Variants in BCAR1 observed in about 807,000 individuals in gnomAD.
BCAR1 encodes the protein breast cancer anti-estrogen resistance protein 1.
Under a neutral mutation model 67.6 loss-of-function variants are expected in BCAR1, and 30 were observed. The ratio of observed to expected loss-of-function variants is 0.44; its 90% CI spans 0.33 to 0.60. The LOEUF is 0.60. Among genes scored for constraint, BCAR1 ranks in the 20% least tolerant of loss-of-function variants. BCAR1 has a pLI of 0.02. For synonymous variants in BCAR1, 626 were observed against 556.7 expected, an observed-to-expected ratio of 1.12 and a Z score of -1.75; for missense variants, 1,313 against 1,222.3, an observed-to-expected ratio of 1.07 and a Z score of -1.11.
At chr16:75,246,747 C>T (rs2077534202) in intron 1 of BCAR1, 1 of 152,364 alleles carries the variant, frequency 6.6e-6, no homozygotes, top group African/African-American at 2.4e-5. Context: ...TCGCAGGCCC[C>T]CCAGCAGCCT....
Position 75,235,651 on chromosome 16 carries a change from A to C in BCAR1, c.1248T>G (p.Ala416=). The C allele has an allele frequency of 6.2e-7, 1 of 1,609,432 alleles. No homozygotes were observed. The highest frequency in any genetic ancestry group is 8.5e-7 in the Non-Finnish European group (1 of 1,177,326). ...TGCCCTCTGCCGGGGCTTCACGTTC[A>C]GCTGGGGGAGGCACCGCATACACAC... The part of the protein sequence containing the change: ...DSGVYAVPPP[A]EREAPAEGKR... The change falls in exon 5 of 7, where the codon GCT becomes GCG. Residue 416 remains alanine (A), a synonymous_variant. Transcript: ENST00000162330.
rs955673565 is a variant in BCAR1, at chr16:75,229,251, G to T, written c.*260C>A. On this transcript the variant is annotated 3_prime_UTR_variant, in exon 7 of 7. Coordinates refer to ENST00000162330, the MANE Select transcript of BCAR1 (RefSeq NM_014567.5). ...TGCAGGACCCTCACACTCCAGCCCC[G>T]TCTGGTGACCCAACCCGGGCCCGTG... is the stretch of plus-strand genomic sequence containing the variant. The T allele has an allele frequency of 1.6e-5, 8 of 491,116 alleles. No individual in the cohort carries two copies. The East Asian group carries it at 2.5e-4, about 15-fold the overall frequency. The allele number at this position is 491,116 out of a possible 1,614,324, so 30.4% of individuals were successfully genotyped here. A position where few individuals can be genotyped will look rare whatever the true frequency, so the allele number is the denominator to read the frequency against.
upstream of BCAR1, among the ~76,000 whole-genome samples, chr16:75,255,915 CG>C (rs2077764609): frequency 6.6e-6 from 1 of 151,854 alleles, no homozygotes; most frequent in African/African-American, 2.4e-5. Flanking sequence ...CACTTGAACC[CG>C]GGAGGCGGAG....
At chr16:75,260,650 AC>A (rs1339946285) in intron 1 of BCAR1, among the ~76,000 whole-genome samples, 3 of 145,600 alleles carry the variant, frequency 2.1e-5, no homozygotes, top group South Asian at 2.2e-4. Flanking sequence ...AAAAAAAAAA[AC>A]CTCATCCAAC....
chr16:75,234,096 G>GACAC (rs112392504), intron 5 of BCAR1, among the ~76,000 whole-genome samples, 161 bp from the exon 6 acceptor site: 49 of 148,500 alleles, frequency 3.3e-4, no homozygotes, highest in African/African-American at 9.9e-4. Flanking sequence ...AGCACACGTG[G>GACAC]ACACACACAC....
intron 5 of BCAR1, 61 bp downstream of exon 5, chr16:75,234,828 C>A (rs1597175440): frequency 2.0e-6 from 3 of 1,509,082 alleles, no homozygotes; most frequent in Non-Finnish European, 2.7e-6. Flanking sequence ...ACAAATCTCC[C>A]CCTAAGCACA....
intron 1 of BCAR1, chr16:75,266,825 G>A: frequency 7.6e-7 from 1 of 1,321,046 alleles, no homozygotes. Context: ...CCGGAGGTCA[G>A]CGCTGCCCAC....
chr16:75,265,415 C>G (rs2077985809), intron 1 of BCAR1, among the ~76,000 whole-genome samples: 1 of 152,150 alleles, frequency 6.6e-6, no homozygotes. Flanking sequence ...GCCCAGCAGT[C>G]CCGGAGGGGA....
chr16:75,260,878 T>G (rs1390622999), intron 1 of BCAR1, among the ~76,000 whole-genome samples: 1 of 152,242 alleles, frequency 6.6e-6, no homozygotes, highest in East Asian at 1.9e-4. Context: ...CTCGGCTTTC[T>G]GGGATAATTC....
intron 1 of BCAR1, among the ~76,000 whole-genome samples, chr16:75,244,477 C>A (rs999311123): frequency 6.6e-6 from 1 of 152,248 alleles, no homozygotes; most frequent in African/African-American, 2.4e-5. Flanking sequence ...CTGGACAGTG[C>A]CCCTCTGAGC....
chr16:75,237,978 C>T, intron 2 of BCAR1: 2 of 1,241,556 alleles, frequency 1.6e-6, no homozygotes, highest in Non-Finnish European at 2.1e-6. Flanking sequence ...CCCTGCCGCG[C>T]CTGCCCCGGG....
intron 6 of BCAR1, 105 bp from the exon 7 acceptor site, chr16:75,230,128 C>T (rs2076848214): frequency 7.2e-7 from 1 of 1,387,686 alleles, no homozygotes; most frequent in Non-Finnish European, 9.7e-7. Flanking sequence ...AGGGCCGCTA[C>T]TCAGAGTGCA....
intron 1 of BCAR1, chr16:75,265,901 C>G: frequency 1.8e-6 from 2 of 1,124,974 alleles, no homozygotes; most frequent in Non-Finnish European, 2.2e-6. Flanking sequence ...CGGGTCCGCC[C>G]GCGCCGCTCA....
chr16:75,264,574 C>G, intron 1 of BCAR1: 9 of 1,350,240 alleles, frequency 6.7e-6, no homozygotes, highest in Non-Finnish European at 8.6e-6. Flanking sequence ...CTCACATCAG[C>G]ACAGTCTGGA....
In BCAR1 at chr16:75,233,830, T is replaced by C. The variant is rs2076987224; in HGVS notation, c.2100+16A>G. The C allele has an allele frequency of 4.4e-6, 7 of 1,589,712 alleles. No individual in the cohort carries two copies. Among genetic ancestry groups the C allele is most frequent in the Non-Finnish European group, 6.0e-6 (7 of 1,168,280 alleles). ...CAGCGGGCAAAGCTGGGCCTTGCTC[T>C]GCTCCGGGGCCTCACCTGCTGCAAC... On this transcript the variant is annotated intron_variant, in intron 6 of 6. Transcript: ENST00000162330.
chr16:75,244,946 T>C (rs1190800296), intron 1 of BCAR1, among the ~76,000 whole-genome samples: 2 of 152,180 alleles, frequency 1.3e-5, no homozygotes, highest in Non-Finnish European at 2.9e-5. Flanking sequence ...GGAGATAGTT[T>C]CTCTTCCTGT....
At position 75,229,311 on chromosome 16, in the gene BCAR1, G is replaced by A. The variant is rs1302711920; in HGVS notation, c.*200C>T. 3 of 898,070 alleles carry A rather than the reference G, an allele frequency of 3.3e-6. No homozygotes were observed. The South Asian group carries it at 6.9e-5, about 21-fold the overall frequency. The allele number at this position is 898,070 out of a possible 1,614,324, so 55.6% of individuals were successfully genotyped here. On this transcript the variant is annotated 3_prime_UTR_variant, in exon 7 of 7. Coordinates refer to ENST00000162330, the MANE Select transcript of BCAR1 (RefSeq NM_014567.5). Reference sequence around the variant, plus strand: ...GGGGAAGGCCACTGGCCGGCCCCTGGGCTTCGGCTCCTGAGGAGGCATGGC... The same window carrying A: ...GGGGAAGGCCACTGGCCGGCCCCTGAGCTTCGGCTCCTGAGGAGGCATGGC...
chr16:75,252,028 AT>A (rs2077693427), upstream of BCAR1: 1 of 685,798 alleles, frequency 1.5e-6, no homozygotes, highest in African/African-American at 1.8e-5. Context: ...ACCCCAGGGC[AT>A]TCATCGCGTG....
At chr16:75,247,031 C>T (rs1371610008) in intron 1 of BCAR1, 1 of 152,572 alleles carries the variant, frequency 6.6e-6, no homozygotes, top group African/African-American at 2.4e-5. Context: ...CACCCTACTC[C>T]CACTTCAGAA....
Sources: gnomAD v4.1 joint callset for allele counts (sites outside exome capture counted in the v4.1 genomes callset) on GRCh38, gnomAD v4.1.1 for gene constraint, MANE v1.5 for transcripts, NCBI Gene and HGNC (gene_info 2026-07-23, HGNC 2026-07-21) for gene names.